The following CDK5RAP2 variants were observed in gnomAD, a reference collection of about 807,000 sequenced individuals.
The protein encoded by CDK5RAP2 is CDK5 regulatory subunit-associated protein 2.
In CDK5RAP2, 147 loss-of-function variants were observed where a neutral mutation model predicts 232.9. The ratio of observed to expected loss-of-function variants is 0.63; its 90% CI spans 0.55 to 0.72. The LOEUF is 0.72. CDK5RAP2 is among the 30% of genes least tolerant of loss of function. CDK5RAP2 has a pLI of 0.00. For missense variants in CDK5RAP2, 2,195 were observed against 2,231.5 expected, an observed-to-expected ratio of 0.98 and a Z score of 0.33; for synonymous variants, 833 against 833.7, an observed-to-expected ratio of 1.00 and a Z score of 0.01.
In CDK5RAP2 at chr9:120,415,124, A is replaced by G. The variant is rs2034133174; in HGVS notation, c.4213T>C (p.Leu1405=). Residue 1405 remains leucine (L), a synonymous_variant, in exon 28 of 38, where the codon TTG becomes CTG. Transcript: ENST00000349780. ...ATAGATTCTTCTAAACGCTTTCTCAAAGTTCGAATTTCCTGTATGTGTTCC... is the reference window on the plus strand; with the variant it reads ...ATAGATTCTTCTAAACGCTTTCTCAGAGTTCGAATTTCCTGTATGTGTTCC... ...LMEHIQEIRT[L]RKRLEESIKT... is the part of the protein sequence containing the mutation. The G allele has an allele frequency of 6.2e-7, 1 of 1,614,018 alleles. No homozygotes were observed. The highest frequency in any genetic ancestry group is 1.3e-5 in the African/African-American group (1 of 74,926).
intron 20 of CDK5RAP2, among the ~76,000 whole-genome samples, chr9:120,457,146 CA>C (rs1588390227): frequency 6.6e-6 from 1 of 152,176 alleles, no homozygotes; most frequent in Non-Finnish European, 1.5e-5. Context: ...ACCCATTTTA[CA>C]GATGAAGAAA....
chr9:120,512,835 T>A (rs2040158323), intron 12 of CDK5RAP2, among the ~76,000 whole-genome samples: 1 of 152,178 alleles, frequency 6.6e-6, no homozygotes, highest in African/African-American at 2.4e-5. Context: ...GCTGGGAGCA[T>A]CACGCGGGCA....
chr9:120,540,366 A>T (rs1475476701), intron 5 of CDK5RAP2, among the ~76,000 whole-genome samples: 1 of 152,204 alleles, frequency 6.6e-6, no homozygotes, highest in Non-Finnish European at 1.5e-5. Flanking sequence ...CCCATGCCCT[A>T]CTTTAAAGAT....
chr9:120,555,326 C>T (rs1390140934), intron 3 of CDK5RAP2, among the ~76,000 whole-genome samples: 2 of 151,394 alleles, frequency 1.3e-5, no homozygotes, highest in African/African-American at 4.9e-5. Context: ...TAAATAGAGA[C>T]GAGGTTTCAC....
intron 12 of CDK5RAP2, among the ~76,000 whole-genome samples, chr9:120,500,534 T>C (rs1349197820): frequency 2.0e-5 from 3 of 152,258 alleles, no homozygotes; most frequent in South Asian, 4.1e-4. Context: ...GTGTTTGAAT[T>C]TGCATTCTTT....
chr9:120,495,959 GC>G, intron 12 of CDK5RAP2, among the ~76,000 whole-genome samples: 1 of 127,420 alleles, frequency 7.8e-6, no homozygotes, highest in African/African-American at 3.0e-5. Context: ...CCGGCCAGCC[GC>G]CCCGTCCGGT....
At chr9:120,505,736 A>T (rs2039781446) in intron 12 of CDK5RAP2, among the ~76,000 whole-genome samples, 1 of 152,268 alleles carries the variant, frequency 6.6e-6, no homozygotes, top group Non-Finnish European at 1.5e-5. Flanking sequence ...AGATCAAACC[A>T]GTCACAATAT....
rs192302252 is a variant in CDK5RAP2 at position 120,421,242 on chromosome 9, C to T, written c.4005-1282G>A. ...TCAGGCTTGGACATTCTCCTGACAGCCCCCAGCCCCTTCAACTCTCACCCT... is the reference window on the plus strand; with the variant it reads ...TCAGGCTTGGACATTCTCCTGACAGTCCCCAGCCCCTTCAACTCTCACCCT... On this transcript the variant is annotated intron_variant, in intron 26 of 37. Coordinates refer to ENST00000349780, the MANE Select transcript of CDK5RAP2 (RefSeq NM_018249.6). 2.6e-5 allele frequency among the ~76,000 whole-genome samples: 4 copies of T among 152,240 alleles called. No individual in the cohort carries two copies. The East Asian group carries it at 5.8e-4, about 22-fold the overall frequency.
intron 12 of CDK5RAP2, among the ~76,000 whole-genome samples, chr9:120,511,037 C>T (rs2040056657): frequency 6.6e-6 from 1 of 152,162 alleles, no homozygotes; most frequent in Non-Finnish European, 1.5e-5. Context: ...TTAAAACAAA[C>T]AAACATGGAG....
rs77496814 is a variant in CDK5RAP2 at position 120,528,616 on chromosome 9, C to T, written c.879+128G>A. 2.8e-3 allele frequency: 2,010 copies of T among 715,896 alleles called. 31 individuals are homozygous for T. The African/African-American group carries it at 0.03, about 11-fold the overall frequency. 44.3% of individuals were successfully genotyped at this position (715,896 alleles called of 1,614,324 possible). ...CCTTTCTAGAGTACCTTATGCTTGA[C>T]TGGCATACAGTAGCATTCAATGAGT... On this transcript the variant is annotated intron_variant, in intron 9 of 37. Coordinates refer to ENST00000349780, the MANE Select transcript of CDK5RAP2 (RefSeq NM_018249.6).
At position 120,491,348 on chromosome 9, in the gene CDK5RAP2, G is replaced by A. The variant is rs1195095482; in HGVS notation, c.1441C>T (p.His481Tyr). The A allele has an allele frequency of 7.4e-6, 12 of 1,613,430 alleles. No individual in the cohort carries two copies. The highest frequency in any genetic ancestry group is 8.5e-6 in the Non-Finnish European group (10 of 1,179,666). Residue 481 changes from histidine (H) to tyrosine (Y), a missense_variant, in exon 13 of 38, where the codon CAT (histidine) becomes TAT (tyrosine). Transcript: ENST00000349780. ...TTCTGATTGGTACTTTCTGTTAGAT[G>A]TTTGATCACTTGCTCTTGATTGTGC... is the stretch of plus-strand genomic sequence containing the variant. ...KLHNQEQVIK[H>Y]LTESTNQKDV...
intron 20 of CDK5RAP2, among the ~76,000 whole-genome samples, chr9:120,457,931 A>G (rs1314410834): frequency 2.6e-5 from 4 of 152,356 alleles, no homozygotes; most frequent in Admixed American, 2.6e-4. Context: ...AGGGGCAAAA[A>G]TTACTCCTAA....
chr9:120,400,471 G>A (rs1215913775), intron 35 of CDK5RAP2, among the ~76,000 whole-genome samples: 1 of 152,226 alleles, frequency 6.6e-6, no homozygotes, highest in Non-Finnish European at 1.5e-5. Flanking sequence ...TTGACTAAGT[G>A]CCTCAGCTCC....
At chr9:120,454,547 T>C (rs2036648493) in intron 20 of CDK5RAP2, among the ~76,000 whole-genome samples, 1 of 152,258 alleles carries the variant, frequency 6.6e-6, no homozygotes. Context: ...ATGCTTTTCA[T>C]GTCCTTGCCA....
chr9:120,409,998 C>T lies in CDK5RAP2; in HGVS notation c.4415-682G>A, dbSNP rs1439681653. 9.2e-5 allele frequency among the ~76,000 whole-genome samples: 14 copies of T among 152,250 alleles called. No homozygotes were observed. The East Asian group carries it at 1.3e-3, about 15-fold the overall frequency. ...CTGGGGGCTGGAAGCTTCATAAGGA[C>T]GAGTTCCCAGCAGTGCTGGTGGTGG... On this transcript the variant is annotated intron_variant, in intron 29 of 37. Transcript: ENST00000349780.
intron 31 of CDK5RAP2, chr9:120,407,510 C>A: frequency 1.9e-6 from 1 of 514,018 alleles, no homozygotes. Context: ...CACCAAACCC[C>A]GAAATTATGT....
chr9:120,541,078 C>T (rs759200399), intron 5 of CDK5RAP2, among the ~76,000 whole-genome samples: 7 of 152,178 alleles, frequency 4.6e-5, no homozygotes, highest in African/African-American at 7.2e-5. Context: ...GAATTCTGGA[C>T]GAGAAGCCCT....
chr9:120,568,374 A>T lies in CDK5RAP2; in HGVS notation c.142T>A (p.Ser48Thr), dbSNP rs760376676. ...CTGGTGGGAGACACTGTTTCTTCTG[A>T]CACATTTGGGAGCACTGTAAAAAGG... ...GLGNGLLPNV[S>T]EETVSPTRAR... is the part of the protein sequence containing the mutation. Residue 48 changes from serine (S) to threonine (T), a missense_variant, in exon 3 of 38, where the codon TCA (serine) becomes ACA (threonine). By Grantham distance (58) the Ser-to-Thr change is moderately conservative. Coordinates refer to ENST00000349780, the MANE Select transcript of CDK5RAP2 (RefSeq NM_018249.6). 6.2e-7 allele frequency: 1 copy of T among 1,613,518 alleles called. No individual in the cohort carries two copies. The highest frequency in any genetic ancestry group is 2.2e-5 in the East Asian group (1 of 44,880).
Position 120,415,076 on chromosome 9 carries a change from T to G in CDK5RAP2, c.4261A>C (p.Lys1421Gln). ...ESIKTNEKLR[K>Q]QLERQGSEFV... ...TCAGATCCTTGCCGTTCCAACTGTT[T>G]CCGTAGCTTCTCATTTGTTTTAATA... The change falls in exon 28 of 38, where the codon AAA becomes CAA. Residue 1421 changes from lysine to glutamine, a missense_variant. Transcript: ENST00000349780. The G allele has an allele frequency of 6.2e-7, 1 of 1,614,224 alleles. No homozygotes were observed. The highest frequency in any genetic ancestry group is 8.5e-7 in the Non-Finnish European group (1 of 1,180,022).
Sources: allele counts gnomAD v4.1 joint callset (sites outside exome capture counted in the v4.1 genomes callset), GRCh38; gene constraint gnomAD v4.1.1; transcripts MANE v1.5; gene names NCBI Gene and HGNC (gene_info 2026-07-23, HGNC 2026-07-21).